The following TTC33 variants were observed in gnomAD, a reference collection of about 807,000 sequenced individuals.
TTC33 encodes the protein tetratricopeptide repeat domain 33, also known as tetratricopeptide repeat protein 33.
Under a neutral mutation model 29.4 loss-of-function variants are expected in TTC33, and 24 were observed. The observed-to-expected ratio is 0.82, with a 90% confidence interval of 0.59 to 1.15. TTC33 has a LOEUF of 1.15. TTC33 is among the 50% of genes most tolerant of loss of function. TTC33 has a pLI of 0.00. For missense variants in TTC33, 286 were observed against 310.4 expected, an observed-to-expected ratio of 0.92 and a Z score of 0.59; for synonymous variants, 107 against 100.3, an observed-to-expected ratio of 1.07 and a Z score of -0.40.
At chr5:40,747,584 G>A (rs1742820326) in intron 1 of TTC33, among the ~76,000 whole-genome samples, 1 of 152,102 alleles carries the variant, frequency 6.6e-6, no homozygotes, top group African/African-American at 2.4e-5. Context: ...GTCAGATCAG[G>A]CCTCTACCTA....
intron 2 of TTC33, among the ~76,000 whole-genome samples, chr5:40,743,618 C>T (rs768835696): frequency 1.3e-5 from 2 of 151,354 alleles, no homozygotes; most frequent in Admixed American, 1.3e-4. Context: ...ACTAAGAATA[C>T]AAAAATTAGC....
intron 4 of TTC33, among the ~76,000 whole-genome samples, chr5:40,723,305 G>A (rs1356197278): frequency 2.0e-5 from 3 of 151,902 alleles, no homozygotes; most frequent in Non-Finnish European, 2.9e-5. Context: ...GTGGAAGGCC[G>A]CAGGGTCCTC....
intron 4 of TTC33, among the ~76,000 whole-genome samples, chr5:40,724,841 A>C (rs1211730138): frequency 2.0e-5 from 3 of 148,560 alleles, no homozygotes; most frequent in Non-Finnish European, 4.4e-5. Context: ...TAAACTAAAA[A>C]TTTACAAGTG....
chr5:40,744,505 T>TA (rs11451983), intron 2 of TTC33, among the ~76,000 whole-genome samples: 1 of 150,690 alleles, frequency 6.6e-6, no homozygotes, highest in Non-Finnish European at 1.5e-5. Flanking sequence ...TTTTTTTTTT[T>TA]AAGGAACAAA....
chr5:40,718,272 T>C (rs1418010466), intron 4 of TTC33, among the ~76,000 whole-genome samples: 1 of 150,936 alleles, frequency 6.6e-6, no homozygotes, highest in Non-Finnish European at 1.5e-5. Flanking sequence ...TTGGACATAG[T>C]GGTGGTGCCT....
At chr5:40,748,120 C>A (rs1299727749) in intron 1 of TTC33, among the ~76,000 whole-genome samples, 1 of 152,176 alleles carries the variant, frequency 6.6e-6, no homozygotes, top group Admixed American at 6.5e-5. Flanking sequence ...AGCCATTGCA[C>A]CCAGCCAGAA....
At chr5:40,734,983 C>T (rs1370153372) in intron 2 of TTC33, among the ~76,000 whole-genome samples, 1 of 152,168 alleles carries the variant, frequency 6.6e-6, no homozygotes, top group Admixed American at 6.5e-5. Context: ...AAGCTGAGAC[C>T]TGAGTGACAA....
intron 2 of TTC33, among the ~76,000 whole-genome samples, chr5:40,731,688 G>A (rs1050768061): frequency 2.0e-5 from 3 of 152,174 alleles, no homozygotes; most frequent in African/African-American, 7.2e-5. Flanking sequence ...TCCTTGACAC[G>A]GGGATTATTA....
intron 4 of TTC33, among the ~76,000 whole-genome samples, chr5:40,722,801 G>C (rs1403847349): frequency 2.0e-5 from 3 of 150,542 alleles, no homozygotes; most frequent in Admixed American, 2.0e-4. Context: ...CCAGCCAGCC[G>C]CCCATCCGGG....
At chr5:40,744,365 T>C (rs1431693416) in intron 2 of TTC33, among the ~76,000 whole-genome samples, 1 of 152,086 alleles carries the variant, frequency 6.6e-6, no homozygotes, top group Non-Finnish European at 1.5e-5. Flanking sequence ...TATTAAGTTA[T>C]AATAAAAGAT....
chr5:40,720,044 G>A (rs1742091802), intron 4 of TTC33, among the ~76,000 whole-genome samples: 1 of 152,082 alleles, frequency 6.6e-6, no homozygotes, highest in Non-Finnish European at 1.5e-5. Flanking sequence ...TTAATTTGAA[G>A]TCCAATTTTT....
At chr5:40,717,916 G>T (rs186325338) in intron 4 of TTC33, among the ~76,000 whole-genome samples, 4 of 152,176 alleles carry the variant, frequency 2.6e-5, no homozygotes, top group African/African-American at 7.2e-5. Flanking sequence ...CAAAAAATTA[G>T]CCAGGTGTGG....
At position 40,715,957 on chromosome 5, in the gene TTC33, C is replaced by A; in HGVS notation, c.*188G>T. On this transcript the variant is annotated 3_prime_UTR_variant, in exon 5 of 5. Coordinates refer to ENST00000337702, the MANE Select transcript of TTC33 (RefSeq NM_012382.3). ...AATTTTAACCTTGAGAAATATAAATCATAACTTATCAAAGCATATTCCAAA... is the reference window on the plus strand; with the variant it reads ...AATTTTAACCTTGAGAAATATAAATAATAACTTATCAAAGCATATTCCAAA... 2.1e-6 allele frequency: 1 copy of A among 468,032 alleles called. No homozygotes were observed. The highest frequency in any genetic ancestry group is 3.7e-6 in the Non-Finnish European group (1 of 269,610). 29.0% of individuals were successfully genotyped at this position (468,032 alleles called of 1,614,324 possible).
chr5:40,729,960 A>G (rs541716906), intron 3 of TTC33, among the ~76,000 whole-genome samples: 12 of 152,256 alleles, frequency 7.9e-5, no homozygotes, highest in Admixed American at 7.9e-4. Flanking sequence ...CGGCCTCCCA[A>G]ATTGCTGGGA....
At chr5:40,754,557 A>G (rs1742951500) in intron 1 of TTC33, among the ~76,000 whole-genome samples, 1 of 152,232 alleles carries the variant, frequency 6.6e-6, no homozygotes, top group Non-Finnish European at 1.5e-5. Context: ...GATACCAAAC[A>G]GTAGTATCAA....
chr5:40,736,508 AT>A (rs1742553953), intron 2 of TTC33, among the ~76,000 whole-genome samples: 1 of 152,228 alleles, frequency 6.6e-6, no homozygotes, highest in African/African-American at 2.4e-5. Flanking sequence ...AAAAGCCAAG[AT>A]GTCAAAGTTG....
In TTC33 at chr5:40,713,934, C is replaced by T. The variant is rs946453555; in HGVS notation, c.*2211G>A. On this transcript the variant is annotated 3_prime_UTR_variant, in exon 5 of 5. Transcript: ENST00000337702. ...ATAGAAGAGTATGAGCTAAAATAAG[C>T]ATTTTGAGGGGCCTGCAGAAATGAG... 6.6e-6 allele frequency among the ~76,000 whole-genome samples: 1 copy of T among 152,138 alleles called. No homozygotes were observed. The highest frequency in any genetic ancestry group is 1.5e-5 in the Non-Finnish European group (1 of 68,018).
intron 4 of TTC33, among the ~76,000 whole-genome samples, chr5:40,724,608 G>A (rs534764373): frequency 2.6e-5 from 4 of 152,028 alleles, no homozygotes; most frequent in African/African-American, 9.6e-5. Context: ...ACTCCAGCCT[G>A]GGGAACAGAG....
chr5:40,721,171 T>C (rs1157404946), intron 4 of TTC33, among the ~76,000 whole-genome samples: 1 of 152,200 alleles, frequency 6.6e-6, no homozygotes, highest in Non-Finnish European at 1.5e-5. Context: ...CTGTCTTACC[T>C]GTAGTGGAGT....
Sources: allele counts gnomAD v4.1 joint callset (sites outside exome capture counted in the v4.1 genomes callset), GRCh38; gene constraint gnomAD v4.1.1; transcripts MANE v1.5; gene names NCBI Gene and HGNC (gene_info 2026-07-23, HGNC 2026-07-21).